Variants in GRB10 observed in about 807,000 individuals in gnomAD.
GRB10 encodes the protein growth factor receptor-bound protein 10.
Under a neutral mutation model 80.9 loss-of-function variants are expected in GRB10, and 20 were observed. That is an observed-to-expected ratio of 0.25 (90% CI 0.17 to 0.36). The LOEUF is 0.36. Among genes scored for constraint, GRB10 ranks in the 10% least tolerant of loss-of-function variants. GRB10 has a pLI of 1.00. For missense variants in GRB10, 548 were observed against 747.7 expected, an observed-to-expected ratio of 0.73 and a Z score of 3.12; for synonymous variants, 291 against 291.5, an observed-to-expected ratio of 1.00 and a Z score of 0.02.
intron 2 of GRB10, among the ~76,000 whole-genome samples, chr7:50,778,161 A>G (rs932410290): frequency 1.3e-5 from 2 of 152,246 alleles, no homozygotes; most frequent in Admixed American, 6.5e-5. Flanking sequence ...TGGAACCACC[A>G]TAGTCTAGCC....
At chr7:50,695,897 C>A (rs187525731) in intron 5 of GRB10, among the ~76,000 whole-genome samples, 1 of 152,206 alleles carries the variant, frequency 6.6e-6, no homozygotes, top group East Asian at 1.9e-4. Flanking sequence ...TCCCACCACC[C>A]AAATTAAACA....
intron 4 of GRB10, among the ~76,000 whole-genome samples, chr7:50,713,780 C>A (rs950402106): frequency 4.0e-5 from 6 of 151,698 alleles, no homozygotes; most frequent in Non-Finnish European, 5.9e-5. Context: ...ACCTCCACCT[C>A]CTCCATCTCC....
At chr7:50,660,964 A>T (rs1248875524) in intron 7 of GRB10, among the ~76,000 whole-genome samples, 2 of 152,174 alleles carry the variant, frequency 1.3e-5, no homozygotes, top group Non-Finnish European at 2.9e-5. Flanking sequence ...CTCCAAAGGC[A>T]CCAGAAAAGG....
At chr7:50,603,908 A>G (rs1729122054) in intron 17 of GRB10, 90 bp downstream of exon 17, 7 of 1,090,844 alleles carry the variant, frequency 6.4e-6, no homozygotes, top group Middle Eastern at 4.0e-4. Context: ...CTGCCTGTCC[A>G]GCAAGGATGT....
chr7:50,786,167 G>C (rs1392262329), upstream of GRB10, among the ~76,000 whole-genome samples: 1 of 151,902 alleles, frequency 6.6e-6, no homozygotes, highest in East Asian at 1.9e-4. Flanking sequence ...AAAGTTAAAA[G>C]GTCAAATTGA....
chr7:50,762,834 C>G (rs150509924), intron 2 of GRB10, among the ~76,000 whole-genome samples: 4 of 152,300 alleles, frequency 2.6e-5, no homozygotes, highest in African/African-American at 9.6e-5. Context: ...AGGCAAAAAG[C>G]CGGCGGGGCG....
chr7:50,781,663 T>C (rs891901506), intron 1 of GRB10, among the ~76,000 whole-genome samples: 2 of 152,228 alleles, frequency 1.3e-5, no homozygotes, highest in African/African-American at 4.8e-5. Flanking sequence ...CCCAGCACCC[T>C]GGCAGGGACT....
intron 7 of GRB10, among the ~76,000 whole-genome samples, chr7:50,627,478 C>T (rs578004887): frequency 1.7e-4 from 26 of 152,304 alleles, no homozygotes; most frequent in African/African-American, 6.3e-4. Context: ...TCCCGCAGCA[C>T]CTCACCCCTC....
chr7:50,608,964 CAAAAA>C (rs60832218), intron 13 of GRB10, among the ~76,000 whole-genome samples: 5 of 100,328 alleles, frequency 5.0e-5, no homozygotes, highest in Admixed American at 1.0e-4. Context: ...GACCCTGACT[CAAAAA>C]AAAAAAAAAA....
At chr7:50,605,064 C>T in intron 15 of GRB10, 1 of 578,744 alleles carries the variant, frequency 1.7e-6, no homozygotes, top group Non-Finnish European at 3.1e-6. Context: ...TCTCCTGTCC[C>T]TTCCATGAAA....
intron 7 of GRB10, among the ~76,000 whole-genome samples, chr7:50,666,394 C>T (rs544928306): frequency 6.6e-6 from 1 of 152,274 alleles, no homozygotes; most frequent in South Asian, 2.1e-4. Flanking sequence ...AGGCTGAGGG[C>T]TCTTCTCTAC....
intron 2 of GRB10, among the ~76,000 whole-genome samples, chr7:50,760,774 G>A (rs936257255): frequency 2.0e-5 from 3 of 152,172 alleles, no homozygotes; most frequent in Non-Finnish European, 4.4e-5. Context: ...GAGTGGGCAC[G>A]TGTCTTCACT....
At chr7:50,740,390 A>G (rs17134002) in intron 3 of GRB10, among the ~76,000 whole-genome samples, 121,977 of 152,252 alleles carry the variant, frequency 0.8, 49,284 homozygotes, top group African/African-American at 0.89. Context: ...AGATAGTAAC[A>G]GGGACCCAAG....
chr7:50,667,706 G>C (rs1452712424), intron 7 of GRB10, among the ~76,000 whole-genome samples: 4 of 152,052 alleles, frequency 2.6e-5, no homozygotes, highest in African/African-American at 9.7e-5. Flanking sequence ...TCTACAAGTA[G>C]TTCTAGTTCT....
chr7:50,678,609 T>C (rs2061211285), intron 5 of GRB10, among the ~76,000 whole-genome samples: 1 of 152,212 alleles, frequency 6.6e-6, no homozygotes, highest in East Asian at 1.9e-4. Flanking sequence ...AGTTAAATCT[T>C]CCAAACAGGG....
At chr7:50,770,908 C>G (rs949205403) in intron 2 of GRB10, among the ~76,000 whole-genome samples, 2 of 152,150 alleles carry the variant, frequency 1.3e-5, no homozygotes, top group Non-Finnish European at 2.9e-5. Context: ...TATACAGCCA[C>G]ATAACCACAG....
At chr7:50,730,263 A>G (rs1587601299) in intron 4 of GRB10, among the ~76,000 whole-genome samples, 2 of 152,224 alleles carry the variant, frequency 1.3e-5, no homozygotes, top group East Asian at 1.9e-4. Flanking sequence ...GCTTCTGTGC[A>G]TATTTTAAAA....
intron 7 of GRB10, among the ~76,000 whole-genome samples, chr7:50,659,337 AG>A (rs1211074258): frequency 6.6e-6 from 1 of 152,162 alleles, no homozygotes; most frequent in East Asian, 1.9e-4. Context: ...AAGAGATCTC[AG>A]TCACCTCAGC....
At chr7:50,650,478 G>A (rs547577713) in intron 7 of GRB10, among the ~76,000 whole-genome samples, 46 of 152,324 alleles carry the variant, frequency 3.0e-4, no homozygotes, top group Non-Finnish European at 5.3e-4. Context: ...GTCAAGGCAC[G>A]TCTGCATGCA....
Sources: gnomAD v4.1 joint callset for allele counts (sites outside exome capture counted in the v4.1 genomes callset) on GRCh38, gnomAD v4.1.1 for gene constraint, MANE v1.5 for transcripts, NCBI Gene and HGNC (gene_info 2026-07-23, HGNC 2026-07-21) for gene names.